Variants in HMCN2 observed in about 807,000 individuals in gnomAD.
HMCN2 encodes hemicentin-2.
Under a neutral mutation model 377.5 loss-of-function variants are expected in HMCN2, and 325 were observed. The ratio of observed to expected loss-of-function variants is 0.86; its 90% CI spans 0.79 to 0.94. HMCN2 has a LOEUF of 0.94. HMCN2 is among the 40% of genes least tolerant of loss of function. The pLI is 0.00. For synonymous variants in HMCN2, 2,007 were observed against 2,046.8 expected (o/e 0.98, Z 0.53); for missense variants, 4,543 against 4,725.3 (o/e 0.96, Z 1.13).
At position 130,316,569 on chromosome 9, in the gene HMCN2, C is replaced by T. The variant is rs980354853; in HGVS notation, c.2351-2926C>T. On this transcript the variant is annotated intron_variant, in intron 15 of 97. Coordinates refer to ENST00000683500, the MANE Select transcript of HMCN2 (RefSeq NM_001291815.2). ...TCCCCCACTTAGAGCCCCATCCCCACAAACAGGCAGCTGCAGCCGTCAGCT... is the reference window on the plus strand; with the variant it reads ...TCCCCCACTTAGAGCCCCATCCCCATAAACAGGCAGCTGCAGCCGTCAGCT... 9.2e-5 allele frequency among the ~76,000 whole-genome samples: 14 copies of T among 152,298 alleles called. No homozygotes were observed. In the East Asian group the frequency reaches 2.3e-3, roughly 25 times the overall value.
At position 130,275,741 on chromosome 9, in the gene HMCN2, C is replaced by T. The variant is rs150801596; in HGVS notation, c.260-8862C>T. 1.4e-4 allele frequency among the ~76,000 whole-genome samples: 22 copies of T among 152,312 alleles called. No homozygotes were observed. The East Asian group carries it at 1.7e-3, about 12-fold the overall frequency. On this transcript the variant is annotated intron_variant, in intron 1 of 97. Transcript: ENST00000683500. ...CTGGGATTACAGGCGTGAGCCACCA[C>T]GCCCGGCCGTGACATTGCTATTAAC...
Position 130,433,654 on chromosome 9 carries a change from C to A in HMCN2, c.15201C>A (p.Val5067=). The A allele has an allele frequency of 6.6e-7, 1 of 1,516,600 alleles. No homozygotes were observed. Among genetic ancestry groups the A allele is most frequent in the East Asian group, 2.7e-5 (1 of 36,754 alleles). 93.9% of individuals were successfully genotyped at this position (1,516,600 alleles called of 1,614,324 possible). A position where few individuals can be genotyped will look rare whatever the true frequency, so the allele number is the denominator to read the frequency against. Residue 5067 remains valine (V), a synonymous_variant, in exon 98 of 98, where the codon GTC becomes GTA. Coordinates refer to ENST00000683500, the MANE Select transcript of HMCN2 (RefSeq NM_001291815.2). ...CTGCGGCACCGCGCCACCAAAGCGT[C>A]TTCGTCTTGCTCATCGCCGTGTCCC... ...VRAAAPRHQS[V]FVLLIAVSPY...
chr9:130,431,102 C>T, intron 95 of HMCN2: 1 of 551,468 alleles, frequency 1.8e-6, no homozygotes, highest in Admixed American at 3.3e-5. Context: ...GGCATTCCCG[C>T]CTGGACGGAG....
At chr9:130,412,579 T>TTTTGTTTTTA (rs1274384843) in intron 85 of HMCN2, among the ~76,000 whole-genome samples, 1 of 150,498 alleles carries the variant, frequency 6.6e-6, no homozygotes, top group Admixed American at 6.6e-5. Flanking sequence ...TTTTTTTTTT[T>TTTTGTTTTTA]TGTTTTAATA....
At position 130,302,949 on chromosome 9, in the gene HMCN2, C is replaced by T. The variant is rs571390944; in HGVS notation, c.1369C>T (p.Arg457Trp). Residue 457 changes from arginine (R) to tryptophan (W), a missense_variant, in exon 9 of 98, where the codon CGG becomes TGG. Physicochemically the swap from Arg to Trp is moderately radical, Grantham distance 101 (BLOSUM62 -3). Transcript: ENST00000683500. ...CTCGGTGCACAGTGCCCTTCCCTTCCGGCTGCAGCTGCGGCGAGGTGAAGC... is the reference window on the plus strand; with the variant it reads ...CTCGGTGCACAGTGCCCTTCCCTTCTGGCTGCAGCTGCGGCGAGGTGAAGC... The part of the protein sequence containing the change: ...SCSVHSALPF[R>W]LQLRRGEARL... 3.2e-5 allele frequency: 15 copies of T among 470,750 alleles called. No homozygotes were observed. The highest frequency in any genetic ancestry group is 9.4e-5 in the Admixed American group (4 of 42,564). 29.2% of individuals were successfully genotyped at this position (470,750 alleles called of 1,614,324 possible). A position where few individuals can be genotyped will look rare whatever the true frequency, so the allele number is the denominator to read the frequency against.
intron 62 of HMCN2, 115 bp from the exon 63 acceptor site, chr9:130,390,862 G>A: frequency 1.5e-6 from 1 of 649,364 alleles, no homozygotes; most frequent in Non-Finnish European, 1.9e-6. Context: ...AAGGAACAGA[G>A]ACTGGGCTGG....
In HMCN2 at chr9:130,345,578, T is replaced by A. The variant is rs891126580; in HGVS notation, c.3830-1588T>A. On this transcript the variant is annotated intron_variant, in intron 25 of 97. Coordinates refer to ENST00000683500, the MANE Select transcript of HMCN2 (RefSeq NM_001291815.2). ...GCTTGGTGTGTATGTTTGTGTGTGG[T>A]ATGTGTGTATGGTGTTTCGTGTGTG... 6.7e-3 allele frequency among the ~76,000 whole-genome samples: 1,013 copies of A among 150,100 alleles called. 50 individuals are homozygous for A. Among genetic ancestry groups the A allele is most frequent in the Admixed American group, 0.059 (894 of 15,066 alleles).
chr9:130,340,460 G>A (rs1393133727), intron 23 of HMCN2, among the ~76,000 whole-genome samples: 6 of 151,740 alleles, frequency 4.0e-5, no homozygotes, highest in Admixed American at 6.6e-5. Flanking sequence ...ATTATAAGTC[G>A]ACCCCTCTGC....
At chr9:130,407,495 C>T (rs1276478732) in intron 82 of HMCN2, 76 bp from the exon 83 acceptor site, 19 of 1,215,730 alleles carry the variant, frequency 1.6e-5, no homozygotes, top group Non-Finnish European at 1.9e-5. Flanking sequence ...TTATTAAGTT[C>T]CTGCAGGTAC....
rs1244265687 is a variant in HMCN2 at position 130,308,304 on chromosome 9, G to A, written c.2200+738G>A. On this transcript the variant is annotated intron_variant, in intron 14 of 97. Coordinates refer to ENST00000683500, the MANE Select transcript of HMCN2 (RefSeq NM_001291815.2). This position sits in a 1 kb window ranked among gnomAD's most constrained non-coding sequence, Gnocchi z 4.1. ...AAGCTTGGCACATGTGCTGTGCTTGGCATTCTTAGTGATAGTGCCGACGAT... is the reference window on the plus strand; with the variant it reads ...AAGCTTGGCACATGTGCTGTGCTTGACATTCTTAGTGATAGTGCCGACGAT... Among the ~76,000 whole-genome samples, 3 of 152,312 alleles carry A rather than the reference G, an allele frequency of 2.0e-5. No homozygotes were observed. Among genetic ancestry groups the A allele is most frequent in the East Asian group, 1.9e-4 (1 of 5,182 alleles).
intron 54 of HMCN2, among the ~76,000 whole-genome samples, chr9:130,379,979 G>A (rs1841617728): frequency 6.6e-6 from 1 of 152,142 alleles, no homozygotes; most frequent in African/African-American, 2.4e-5. Context: ...GGGTTCAAGT[G>A]ATTCTCCTGC....
intron 43 of HMCN2, among the ~76,000 whole-genome samples, chr9:130,366,580 A>AGTAGCTG (rs1840701349): frequency 1.4e-5 from 2 of 139,982 alleles, no homozygotes; most frequent in African/African-American, 5.4e-5. Context: ...CAGCCTCCTG[A>AGTAGCTG]GTAGCTGGGA....
At chr9:130,301,410 G>A (rs1221761780) in intron 8 of HMCN2, among the ~76,000 whole-genome samples, 1 of 152,238 alleles carries the variant, frequency 6.6e-6, no homozygotes, top group African/African-American at 2.4e-5. Flanking sequence ...TTGGGGAAGG[G>A]ATTTGGTTTG....
rs916668962 is a variant in HMCN2 at position 130,403,182 on chromosome 9, C to G, written c.11879-12C>G. 1 of 1,287,604 alleles carries G rather than the reference C, an allele frequency of 7.8e-7. No individual in the cohort carries two copies. The highest frequency in any genetic ancestry group is 1.0e-6 in the Non-Finnish European group (1 of 987,460). 79.8% of individuals were successfully genotyped at this position (1,287,604 alleles called of 1,614,324 possible). On this transcript the variant is annotated splice_polypyrimidine_tract_variant and intron_variant, in intron 78 of 97. Coordinates refer to ENST00000683500, the MANE Select transcript of HMCN2 (RefSeq NM_001291815.2). ...ACATTCTCAGGGCCCTCTGCACCCC[C>G]GTCCTTTGTAGCCTCCCCGGTGGTG...
intron 47 of HMCN2, 45 bp downstream of exon 47, chr9:130,372,452 C>A: frequency 1.3e-6 from 1 of 796,496 alleles, no homozygotes; most frequent in Non-Finnish European, 1.5e-6. Context: ...GAACTCTTCC[C>A]CACTGCCTGG....
chr9:130,294,299 A>G (rs1475613461), intron 4 of HMCN2, among the ~76,000 whole-genome samples: 1 of 152,224 alleles, frequency 6.6e-6, no homozygotes, highest in East Asian at 1.9e-4. Flanking sequence ...TGAATAATCA[A>G]TTATAGAAAC....
rs1317070526 is a variant in HMCN2 at position 130,351,477 on chromosome 9, C to A, written c.4485C>A (p.Leu1495=). 7.7e-7 allele frequency: 1 copy of A among 1,304,306 alleles called. No homozygotes were observed. Among genetic ancestry groups the A allele is most frequent in the Non-Finnish European group, 1.0e-6 (1 of 988,956 alleles). 80.8% of individuals were successfully genotyped at this position (1,304,306 alleles called of 1,614,324 possible). A position where few individuals can be genotyped will look rare whatever the true frequency, so the allele number is the denominator to read the frequency against. ...HLQVQEDGQV[L]RITGSHVGDE... is the part of the protein sequence containing the mutation. The stretch of plus-strand genomic sequence containing the variant: ...AGGTCCAGGAGGATGGCCAGGTTCT[C>A]AGGATCACCGGCAGTCACGTGGGGG... The change falls in exon 30 of 98, where the codon CTC becomes CTA. Residue 1495 remains leucine, a synonymous_variant. Transcript: ENST00000683500. The surrounding 1 kb of genome is among the most constrained non-coding windows in gnomAD (Gnocchi z 5.4).
rs1162548416 is a variant in HMCN2, at chr9:130,422,242, A to G, written c.13232-335A>G. On this transcript the variant is annotated intron_variant, in intron 86 of 97. Coordinates refer to ENST00000683500, the MANE Select transcript of HMCN2 (RefSeq NM_001291815.2). The surrounding 1 kb of genome is among the most constrained non-coding windows in gnomAD (Gnocchi z 4.2). The stretch of plus-strand genomic sequence containing the variant: ...TTCAGAGACCCACAGGTCTTCTGTG[A>G]GTTTGTGGTCCCGCCTCCTCATTTT... Among the ~76,000 whole-genome samples, 1 of 152,084 alleles carries G rather than the reference A, an allele frequency of 6.6e-6. No individual in the cohort carries two copies. The highest frequency in any genetic ancestry group is 1.5e-5 in the Non-Finnish European group (1 of 68,006).
chr9:130,383,269 G>GA, intron 56 of HMCN2, among the ~76,000 whole-genome samples: 1 of 152,078 alleles, frequency 6.6e-6, no homozygotes, highest in East Asian at 1.9e-4. Context: ...CACAGGGGTG[G>GA]GGGAGGCTCT....
Sources: allele counts gnomAD v4.1 joint callset (sites outside exome capture counted in the v4.1 genomes callset), GRCh38; gene constraint gnomAD v4.1.1; non-coding constraint Gnocchi (gnomAD v3.1); transcripts MANE v1.5; gene names NCBI Gene and HGNC (gene_info 2026-07-23, HGNC 2026-07-21).